The following SLC44A5 variants were observed in gnomAD, a reference collection of about 807,000 sequenced individuals.
The protein encoded by SLC44A5 is solute carrier family 44 member 5.
In SLC44A5, 57 loss-of-function variants were observed where a neutral mutation model predicts 101.8. The observed-to-expected ratio is 0.56, with a 90% confidence interval of 0.45 to 0.70. The LOEUF is 0.70. Ranked by LOEUF, SLC44A5 falls within the 30% of genes least tolerant of loss-of-function variation. The pLI is 0.00. For synonymous variants in SLC44A5, 281 were observed against 290.9 expected (o/e 0.97, Z 0.35); for missense variants, 737 against 853.1 (o/e 0.86, Z 1.70).
In SLC44A5 at chr1:75,251,240, C is replaced by T. The variant is rs588098; in HGVS notation, c.315G>A (p.Val105=). 0.73 allele frequency: 1,171,498 copies of T among 1,611,776 alleles called. 428,590 individuals are homozygous for T. The highest frequency in any genetic ancestry group is 0.93 in the East Asian group (41,833 of 44,822). ...FNLLRCTSPS[V]LLNLQCPTTQ... ...TGGTAGGGCACTGTAGGTTTAGCAA[C>T]ACGGAGGGACTGGTACAGCGTAACA... is the stretch of plus-strand genomic sequence containing the variant. Residue 105 remains valine (V), a synonymous_variant, in exon 7 of 24, where the codon GTG becomes GTA. Coordinates refer to ENST00000370859, the MANE Select transcript of SLC44A5 (RefSeq NM_001130058.2).
At chr1:75,470,181 G>A (rs751833473) in intron 2 of SLC44A5, among the ~76,000 whole-genome samples, 4 of 152,036 alleles carry the variant, frequency 2.6e-5, no homozygotes, top group Non-Finnish European at 5.9e-5. Context: ...CAATCCTCAA[G>A]ACAATACTTT....
intron 7 of SLC44A5, among the ~76,000 whole-genome samples, chr1:75,250,573 C>A (rs140295942): frequency 1.3e-5 from 2 of 152,002 alleles, no homozygotes; most frequent in African/African-American, 4.8e-5. Context: ...TTGAGGGATG[C>A]GACCACTTAT....
chr1:75,307,704 G>T (rs1196611687), intron 4 of SLC44A5, among the ~76,000 whole-genome samples: 2 of 152,090 alleles, frequency 1.3e-5, no homozygotes, highest in Admixed American at 1.3e-4. Context: ...CACCCCCTTG[G>T]TTCCAGTTTC....
intron 2 of SLC44A5, among the ~76,000 whole-genome samples, chr1:75,481,210 G>C (rs2101774953): frequency 6.6e-6 from 1 of 152,310 alleles, no homozygotes; most frequent in South Asian, 2.1e-4. Context: ...TATGTAGAAA[G>C]CTGAAACTGG....
In SLC44A5 at chr1:75,335,711, T is replaced by C. The variant is rs185479972; in HGVS notation, c.101+3871A>G. The stretch of plus-strand genomic sequence containing the variant: ...ACTAGAAGCCTTACAGGTCTCATTA[T>C]GGTGACTATCTACATCTGTGCTTTA... On this transcript the variant is annotated intron_variant, in intron 4 of 23. Coordinates refer to ENST00000370859, the MANE Select transcript of SLC44A5 (RefSeq NM_001130058.2). Among the ~76,000 whole-genome samples the C allele has an allele frequency of 2.0e-5, 3 of 152,360 alleles. No homozygotes were observed. The East Asian group carries it at 5.8e-4, about 29-fold the overall frequency.
chr1:75,474,568 C>A (rs1209640984), intron 2 of SLC44A5, among the ~76,000 whole-genome samples: 1 of 152,122 alleles, frequency 6.6e-6, no homozygotes, highest in South Asian at 2.1e-4. Flanking sequence ...GATAGTAAGA[C>A]ATTTACGTGT....
chr1:75,345,010 A>C (rs1387402549), intron 3 of SLC44A5, among the ~76,000 whole-genome samples: 1 of 152,160 alleles, frequency 6.6e-6, no homozygotes, highest in East Asian at 1.9e-4. Flanking sequence ...AATATTTACA[A>C]GATAAGTTTT....
At chr1:75,357,435 G>T (rs796590647) in intron 3 of SLC44A5, among the ~76,000 whole-genome samples, 1 of 152,148 alleles carries the variant, frequency 6.6e-6, no homozygotes, top group Non-Finnish European at 1.5e-5. Flanking sequence ...TGCTTTCTCT[G>T]TAAGGCCCTA....
At chr1:75,315,409 C>T (rs1655615944) in intron 4 of SLC44A5, among the ~76,000 whole-genome samples, 1 of 152,084 alleles carries the variant, frequency 6.6e-6, no homozygotes, top group African/African-American at 2.4e-5. Flanking sequence ...CAGAACACCA[C>T]AATATATGGT....
At chr1:75,645,079 A>G in the SLC44A5 span, among the ~76,000 whole-genome samples, 1 of 152,144 alleles carries the variant, frequency 6.6e-6, no homozygotes, top group South Asian at 2.1e-4. Context: ...TAGTGCCACA[A>G]TAAACATATG....
At chr1:75,336,438 T>A in intron 4 of SLC44A5, among the ~76,000 whole-genome samples, 1 of 152,124 alleles carries the variant, frequency 6.6e-6, no homozygotes, top group East Asian at 1.9e-4. Flanking sequence ...ACAGGCATGA[T>A]CCACCGTGCC....
chr1:75,683,090 A>G, the SLC44A5 span, among the ~76,000 whole-genome samples: 3 of 152,066 alleles, frequency 2.0e-5, no homozygotes, highest in Non-Finnish European at 4.4e-5. Context: ...GGCAATCAAT[A>G]AAAAGTCAGG....
At chr1:75,274,003 G>C (rs748366283) in intron 6 of SLC44A5, among the ~76,000 whole-genome samples, 81 of 151,946 alleles carry the variant, frequency 5.3e-4, no homozygotes, top group Non-Finnish European at 8.4e-4. Flanking sequence ...ATCTGATTTT[G>C]GACTTTTTTG....
upstream of SLC44A5, among the ~76,000 whole-genome samples, chr1:75,614,800 C>G (rs557069100): frequency 6.6e-6 from 1 of 152,300 alleles, no homozygotes; most frequent in South Asian, 2.1e-4. Context: ...CCACCATCCT[C>G]AGGTCCAGTT....
chr1:75,637,225 G>A, the SLC44A5 span, among the ~76,000 whole-genome samples: 1 of 151,984 alleles, frequency 6.6e-6, no homozygotes, highest in African/African-American at 2.4e-5. Flanking sequence ...GTTCATTGCA[G>A]CACTATTCAC....
intron 23 of SLC44A5, chr1:75,205,348 A>G (rs1420386780): frequency 6.6e-6 from 1 of 152,228 alleles, no homozygotes; most frequent in Non-Finnish European, 1.5e-5. Flanking sequence ...ATCCTTATAT[A>G]CAAGTTTAAG....
the SLC44A5 span, among the ~76,000 whole-genome samples, chr1:75,678,328 C>T: frequency 1.3e-5 from 2 of 152,110 alleles, no homozygotes; most frequent in Non-Finnish European, 2.9e-5. Context: ...CAAACAAAAA[C>T]ACAGCAGTAA....
At chr1:75,478,357 T>C (rs908899387) in intron 2 of SLC44A5, among the ~76,000 whole-genome samples, 5 of 152,080 alleles carry the variant, frequency 3.3e-5, no homozygotes, top group Non-Finnish European at 7.3e-5. Flanking sequence ...ACGAGCAAAA[T>C]AACCAGCTAA....
chr1:75,695,872 A>C, the SLC44A5 span, among the ~76,000 whole-genome samples: 1 of 150,490 alleles, frequency 6.6e-6, no homozygotes, highest in African/African-American at 2.4e-5. Flanking sequence ...CCTGATACTG[A>C]AAGGAATTTC....
Sources: gnomAD v4.1 joint callset for allele counts (sites outside exome capture counted in the v4.1 genomes callset) on GRCh38, gnomAD v4.1.1 for gene constraint, MANE v1.5 for transcripts, NCBI Gene and HGNC (gene_info 2026-07-23, HGNC 2026-07-21) for gene names.